The following BRSK1 variants were observed in gnomAD, a reference collection of about 807,000 sequenced individuals.
The protein encoded by BRSK1 is BR serine/threonine kinase 1, also known as serine/threonine-protein kinase BRSK1.
In BRSK1, 17 loss-of-function variants were observed where a neutral mutation model predicts 86.2. The observed-to-expected ratio is 0.20, with a 90% CI of 0.14 to 0.30. The LOEUF (loss-of-function observed/expected upper bound fraction) is 0.30. BRSK1 is among the 10% of genes least tolerant of loss of function. The pLI is 1.00. For synonymous variants in BRSK1, 464 were observed against 440.1 expected (o/e 1.05, Z -0.68); for missense variants, 719 against 1,071.9 (o/e 0.67, Z 4.60).
At position 55,289,498 on chromosome 19, in the gene BRSK1, C is replaced by T. The variant is rs200209330; in HGVS notation, c.336C>T (p.His112=). ...NKKYLYLVLE[H]VSGGELFDYL... ...CCTTTAGGTACCTGGTTCTGGAGCA[C>T]GTCTCGGGGGGTGAGCTATTCGACT... Residue 112 remains histidine, a synonymous_variant, in exon 4 of 19, where the codon CAC becomes CAT. Transcript: ENST00000309383. The T allele has an allele frequency of 1.9e-5, 31 of 1,613,480 alleles. No homozygotes were observed. Among genetic ancestry groups the T allele is most frequent in the Middle Eastern group, 1.6e-4 (1 of 6,072 alleles).
At chr19:55,309,997 C>T (rs1349066355) in intron 18 of BRSK1, among the ~76,000 whole-genome samples, 2 of 152,162 alleles carry the variant, frequency 1.3e-5, no homozygotes, top group African/African-American at 2.4e-5. Flanking sequence ...AACGGCCCAG[C>T]GTTGAGGCCA....
At chr19:55,288,452 C>T (rs1431037835) in intron 3 of BRSK1, among the ~76,000 whole-genome samples, 3 of 132,026 alleles carry the variant, frequency 2.3e-5, no homozygotes, top group East Asian at 4.5e-4. Context: ...CCAGCGTGGG[C>T]GACAGAGCAA....
In BRSK1 at chr19:55,303,585, C is replaced by G; in HGVS notation, c.1127-82C>G. On this transcript the variant is annotated intron_variant, in intron 11 of 18. Transcript: ENST00000309383. The surrounding 1 kb of genome is among the most constrained non-coding windows in gnomAD (Gnocchi z 5.1). ...TCCCCTCTCCACTCTAGGCCTGTTT[C>G]CCCATGTGTGCAGTTTCTGAGGCAG... 6.5e-7 allele frequency: 1 copy of G among 1,535,706 alleles called. No homozygotes were observed. Among genetic ancestry groups the G allele is most frequent in the Non-Finnish European group, 8.8e-7 (1 of 1,131,682 alleles).
intron 1 of BRSK1, 131 bp from the exon 2 acceptor site, chr19:55,286,876 G>C (rs2122928642): frequency 1.3e-6 from 1 of 761,270 alleles, no homozygotes; most frequent in South Asian, 1.6e-5. Context: ...GTTCAGGTCT[G>C]ATGTGTTCAG....
In BRSK1 at chr19:55,294,165, G is replaced by T; in HGVS notation, c.575+32G>T. On this transcript the variant is annotated intron_variant, in intron 5 of 18. Coordinates refer to ENST00000309383, the MANE Select transcript of BRSK1 (RefSeq NM_032430.2). The surrounding 1 kb of genome is among the most constrained non-coding windows in gnomAD (Gnocchi z 4.9). Reference sequence around the variant, plus strand: ...GGGGACTGGGCTCCCGAGACCCTGGGCAGGGGTTTAGAAGCTGGCTGGAGG... The same window carrying T: ...GGGGACTGGGCTCCCGAGACCCTGGTCAGGGGTTTAGAAGCTGGCTGGAGG... The T allele has an allele frequency of 6.2e-7, 1 of 1,611,538 alleles. No individual in the cohort carries two copies. The highest frequency in any genetic ancestry group is 1.1e-5 in the South Asian group (1 of 90,888).
Position 55,289,538 on chromosome 19 carries a change from G to A in BRSK1, c.376G>A (p.Gly126Arg). 1 of 1,614,090 alleles carries A rather than the reference G, an allele frequency of 6.2e-7. No individual in the cohort carries two copies. Among genetic ancestry groups the A allele is most frequent in the Non-Finnish European group, 8.5e-7 (1 of 1,180,020 alleles). Residue 126 changes from glycine (G) to arginine (R), a missense_variant, in exon 4 of 19, where the codon GGG becomes AGG. Physicochemically the swap from Gly to Arg is moderately radical, Grantham distance 125. Around this residue, in one of 6 missense-constraint regions of BRSK1, gnomAD observed 75 missense variants for 281.0 expected, o/e 0.27. Transcript: ENST00000309383. ...GCTATTCGACTACCTGGTAAAGAAG[G>A]GGAGACTGACGCCCAAGGAGGCCCG... Reference protein sequence around the residue: ...GELFDYLVKKGRLTPKEARKF... With the variant: ...GELFDYLVKKRRLTPKEARKF...
intron 4 of BRSK1, among the ~76,000 whole-genome samples, chr19:55,290,140 G>T (rs548567619): frequency 6.6e-6 from 1 of 152,014 alleles, no homozygotes; most frequent in South Asian, 2.1e-4. Context: ...GATTACAGGT[G>T]CACACCACTA....
Position 55,304,306 on chromosome 19 carries a change from G to A in BRSK1, c.1347+196G>A, listed in dbSNP as rs1433893182. On this transcript the variant is annotated intron_variant, in intron 13 of 18. Transcript: ENST00000309383. The surrounding 1 kb of genome is among the most constrained non-coding windows in gnomAD (Gnocchi z 5.2). ...ACCTCCTTAGGATTGCATGCCTGAA[G>A]AGATTTTACAAAAGTTAGTTGAGTG... 6.6e-6 allele frequency among the ~76,000 whole-genome samples: 1 copy of A among 152,198 alleles called. No homozygotes were observed. The highest frequency in any genetic ancestry group is 1.5e-5 in the Non-Finnish European group (1 of 68,022).
chr19:55,289,372 C>A, intron 3 of BRSK1, 108 bp from the exon 4 acceptor site: 1 of 1,322,880 alleles, frequency 7.6e-7, no homozygotes, highest in Non-Finnish European at 1.0e-6. Flanking sequence ...TCCCAAGGAT[C>A]ATGGGAATTG....
chr19:55,302,214 G>T lies in BRSK1; in HGVS notation c.857+46G>T. ...CTCTTGGGTCCCTGGCGGAAATAGG[G>T]GAGGGGCCAAAGCAGTAGAAGCGGC... On this transcript the variant is annotated intron_variant, in intron 9 of 18. Transcript: ENST00000309383. This position sits in a 1 kb window ranked among gnomAD's most constrained non-coding sequence, Gnocchi z 6.3. 1.2e-6 allele frequency: 2 copies of T among 1,610,972 alleles called. No individual in the cohort carries two copies. Among genetic ancestry groups the T allele is most frequent in the Non-Finnish European group, 1.7e-6 (2 of 1,177,126 alleles).
chr19:55,286,590 T>C (rs898443226), intron 1 of BRSK1, among the ~76,000 whole-genome samples: 3 of 144,624 alleles, frequency 2.1e-5, no homozygotes, highest in Admixed American at 7.1e-5. Flanking sequence ...TTGGGAGTCA[T>C]AGGGTCTCCA....
chr19:55,299,253 A>T (rs1204147026), intron 7 of BRSK1, among the ~76,000 whole-genome samples: 1 of 152,198 alleles, frequency 6.6e-6, no homozygotes, highest in African/African-American at 2.4e-5. Flanking sequence ...AAGCTTACTA[A>T]CTATAGTTCC....
chr19:55,296,219 C>G (rs75364373), intron 7 of BRSK1, among the ~76,000 whole-genome samples: 3,827 of 152,204 alleles, frequency 0.025, 58 homozygotes, highest in Non-Finnish European at 0.036. Flanking sequence ...AGAGTTGTCG[C>G]TGTGCATTTT....
Position 55,304,530 on chromosome 19 carries a change from T to G in BRSK1, c.1348-21T>G. On this transcript the variant is annotated intron_variant, in intron 13 of 18. Coordinates refer to ENST00000309383, the MANE Select transcript of BRSK1 (RefSeq NM_032430.2). The surrounding 1 kb of genome is among the most constrained non-coding windows in gnomAD (Gnocchi z 5.2). ...GGGAGTTGTAGTCCACTCGCTTATC[T>G]CAGTCTCCTGTCCTCTGCAGAGTCC... The G allele has an allele frequency of 6.5e-7, 1 of 1,539,224 alleles. No homozygotes were observed. Among genetic ancestry groups the G allele is most frequent in the Non-Finnish European group, 8.7e-7 (1 of 1,149,596 alleles).
intron 4 of BRSK1, 143 bp downstream of exon 4, chr19:55,289,763 A>C (rs1022076266): frequency 1.8e-6 from 2 of 1,105,798 alleles, no homozygotes; most frequent in African/African-American, 3.2e-5. Flanking sequence ...ACACCAGAAA[A>C]TTCCTCCTTT....
chr19:55,299,281 G>A (rs979363942), intron 7 of BRSK1, among the ~76,000 whole-genome samples: 3 of 152,098 alleles, frequency 2.0e-5, no homozygotes, highest in Admixed American at 1.3e-4. Context: ...GCCGTGACTC[G>A]TTCACTAGTT....
chr19:55,299,674 C>A (rs933576776), intron 7 of BRSK1, among the ~76,000 whole-genome samples: 1 of 152,260 alleles, frequency 6.6e-6, no homozygotes, highest in South Asian at 2.1e-4. Flanking sequence ...GTGTCAGCCA[C>A]CATGCCCAGC....
chr19:55,284,012 C>T lies in BRSK1; in HGVS notation c.-431C>T, dbSNP rs1182954295. On this transcript the variant is annotated 5_prime_UTR_variant, in exon 1 of 19. Coordinates refer to ENST00000309383, the MANE Select transcript of BRSK1 (RefSeq NM_032430.2). ...CGGAGTCCCCGGATGGTGATGTCAG[C>T]GTGCCGGAGAGAAAGGACGAGGTGG... is the stretch of plus-strand genomic sequence containing the variant. 1 of 1,229,242 alleles carries T rather than the reference C, an allele frequency of 8.1e-7. No individual in the cohort carries two copies. The highest frequency in any genetic ancestry group is 3.8e-5 in the South Asian group (1 of 26,486). The allele number at this position is 1,229,242 out of a possible 1,614,324, so 76.1% of individuals were successfully genotyped here.
chr19:55,305,045 A>G (rs1279636465), intron 14 of BRSK1, 125 bp downstream of exon 14: 1 of 1,419,102 alleles, frequency 7.0e-7, no homozygotes. Flanking sequence ...CCCACGTTCT[A>G]GAGAAGAGGG....
Sources: allele counts gnomAD v4.1 joint callset (sites outside exome capture counted in the v4.1 genomes callset), GRCh38; gene constraint gnomAD v4.1.1; regional missense constraint gnomAD v4.1.1; non-coding constraint Gnocchi (gnomAD v3.1); transcripts MANE v1.5; gene names NCBI Gene and HGNC (gene_info 2026-07-23, HGNC 2026-07-21).